Variants in HECTD4 observed in about 807,000 individuals in gnomAD.
HECTD4 encodes the protein probable E3 ubiquitin-protein ligase HECTD4.
In HECTD4, 114 loss-of-function variants were observed where a neutral mutation model predicts 471.5. That is an observed-to-expected ratio of 0.24 (90% confidence interval 0.21 to 0.28). The LOEUF is 0.28. HECTD4 is among the 10% of genes least tolerant of loss of function. The pLI, the probability that HECTD4 is intolerant of heterozygous loss-of-function variation, is 1.00. For missense variants in HECTD4, 3,866 were observed against 5,651.5 expected (o/e 0.68, Z 10.13); for synonymous variants, 2,012 against 2,256.0 (o/e 0.89, Z 3.07).
intron 22 of HECTD4, 54 bp downstream of exon 22, chr12:112,253,989 A>C: frequency 6.3e-7 from 1 of 1,596,032 alleles, no homozygotes; most frequent in Non-Finnish European, 8.6e-7. Flanking sequence ...TGGACCTGTG[A>C]GGACTGCAAG....
intron 60 of HECTD4, among the ~76,000 whole-genome samples, chr12:112,189,167 G>A (rs577509458): frequency 2.0e-4 from 31 of 152,104 alleles, no homozygotes; most frequent in African/African-American, 6.7e-4. Flanking sequence ...GCCCTCCTAG[G>A]GTGTATGAAA....
At chr12:112,273,882 G>A in intron 10 of HECTD4, 87 bp from the exon 11 acceptor site, 41 of 1,468,152 alleles carry the variant, frequency 2.8e-5, no homozygotes, top group Non-Finnish European at 3.8e-5. Flanking sequence ...AAAGTGGAAG[G>A]GCAAGGATGC....
At chr12:112,176,533 G>C (rs1198644733) in intron 65 of HECTD4, 63 bp downstream of exon 65, 6 of 1,142,766 alleles carry the variant, frequency 5.3e-6, no homozygotes, top group East Asian at 2.3e-5. Context: ...CTCCTCGGGG[G>C]GTGCCTAGTC....
chr12:112,249,934 C>T, intron 25 of HECTD4: 1 of 567,516 alleles, frequency 1.8e-6, no homozygotes, highest in Non-Finnish European at 3.1e-6. Flanking sequence ...CCAAGTGATG[C>T]CAATGCTGCT....
intron 1 of HECTD4, chr12:112,322,912 C>A (rs1216756070): frequency 6.3e-6 from 1 of 158,204 alleles, no homozygotes. Flanking sequence ...CACTTCACCC[C>A]TTGGAGAACG....
rs981688093 is a variant in HECTD4, at chr12:112,193,775, A to G, written c.8750-101T>C. The G allele has an allele frequency of 7.0e-6, 7 of 999,466 alleles. No individual in the cohort carries two copies. In the African/African-American group the frequency reaches 1.1e-4, roughly 16 times the overall value. 61.9% of individuals were successfully genotyped at this position (999,466 alleles called of 1,614,324 possible). ...TGAATAACCCATCCAGAAACCCCAG[A>G]TGGGAGGGTTATCCTGGATATGATG... On this transcript the variant is annotated intron_variant, in intron 56 of 75. Coordinates refer to ENST00000682272, the MANE Select transcript of HECTD4 (RefSeq NM_001388303.1). This position sits in a 1 kb window ranked among gnomAD's most constrained non-coding sequence, Gnocchi z 5.2.
rs1199591556 is a variant in HECTD4, at chr12:112,172,574, T to C, written c.11785+97A>G. The C allele has an allele frequency of 4.8e-6, 6 of 1,237,868 alleles. No homozygotes were observed. In the African/African-American group the frequency reaches 7.4e-5, roughly 15 times the overall value. 76.7% of individuals were successfully genotyped at this position (1,237,868 alleles called of 1,614,324 possible). A position where few individuals can be genotyped will look rare whatever the true frequency, so the allele number is the denominator to read the frequency against. Reference sequence around the variant, plus strand: ...CAGGTGTTCATAAGTGTTCGTTCGATGGACGTCTAAATGAATCTAGCCCTT... The same window carrying C: ...CAGGTGTTCATAAGTGTTCGTTCGACGGACGTCTAAATGAATCTAGCCCTT... On this transcript the variant is annotated intron_variant, in intron 67 of 75. Transcript: ENST00000682272.
chr12:112,260,599 C>G (rs1442273324), intron 18 of HECTD4, among the ~76,000 whole-genome samples: 1 of 150,272 alleles, frequency 6.7e-6, no homozygotes, highest in Non-Finnish European at 1.5e-5. Flanking sequence ...TTTTTTGAGA[C>G]AGAGTCTCGC....
intron 44 of HECTD4, 25 bp from the exon 45 acceptor site, chr12:112,219,514 G>T: frequency 1.3e-6 from 2 of 1,563,144 alleles, no homozygotes; most frequent in Non-Finnish European, 1.8e-6. Context: ...TGTTGAATCT[G>T]TGAAAACAAC....
chr12:112,324,092 TTCTTTCTTTCCTCTC>T lies in HECTD4; in HGVS notation c.178-4365_178-4351del, dbSNP rs1566112249. On this transcript the variant is annotated intron_variant, in intron 1 of 75. Coordinates refer to ENST00000682272, the MANE Select transcript of HECTD4 (RefSeq NM_001388303.1). ...TTTCTTTCTTTCTTTCTTTCTTTCT[TTCTTTCTTTCCTCTC>T]TCTCTTTCTTTCTTTTTTTTATTTT... Among the ~76,000 whole-genome samples the T allele has an allele frequency of 3.9e-3, 412 of 106,128 alleles. 79 individuals are homozygous for T. Among genetic ancestry groups the T allele is most frequent in the African/African-American group, 0.016 (352 of 21,452 alleles). 69.6% of individuals were successfully genotyped at this position (106,128 alleles called of 152,430 possible). A position where few individuals can be genotyped will look rare whatever the true frequency, so the allele number is the denominator to read the frequency against.
intron 66 of HECTD4, among the ~76,000 whole-genome samples, chr12:112,174,233 TGCTGG>T (rs1415578672): frequency 6.6e-6 from 1 of 151,834 alleles, no homozygotes; most frequent in Non-Finnish European, 1.5e-5. Context: ...CCTCCCAAAG[TGCTGG>T]GATTACAGGT....
intron 32 of HECTD4, among the ~76,000 whole-genome samples, chr12:112,242,263 T>A (rs930913900): frequency 1.3e-5 from 2 of 152,166 alleles, no homozygotes; most frequent in African/African-American, 2.4e-5. Context: ...CAGCAGAGGA[T>A]GTGTTAATTT....
intron 35 of HECTD4, 70 bp downstream of exon 35, chr12:112,236,875 C>T (rs1225199284): frequency 7.9e-6 from 11 of 1,384,764 alleles, no homozygotes; most frequent in African/African-American, 2.9e-5. Flanking sequence ...ACAACCACCA[C>T]CAAAAGAAAC....
rs1305373415 is a variant in HECTD4 at position 112,251,018 on chromosome 12, T to C, written c.3669A>G (p.Lys1223=). The C allele has an allele frequency of 6.2e-7, 1 of 1,613,920 alleles. No homozygotes were observed. Among genetic ancestry groups the C allele is most frequent in the South Asian group, 1.1e-5 (1 of 91,070 alleles). ...RILYNGPEIT[K]EEEACQELLR... ...ATAGCTCCTGACAGGCTTCTTCTTC[T>C]TTGGTAATTTCTGGTCCATTGTACA... Residue 1223 remains lysine, a synonymous_variant, in exon 24 of 76, where the codon AAA becomes AAG. Coordinates refer to ENST00000682272, the MANE Select transcript of HECTD4 (RefSeq NM_001388303.1).
In HECTD4 at chr12:112,313,035, A is replaced by T. The variant is rs761650463; in HGVS notation, c.898T>A (p.Ser300Thr). Reference sequence around the variant, plus strand: ...ACATTACCTTTATTTTCAGAACTGGAGCCAGTGTTGCTATCCGGCGCAGGC... The same window carrying T: ...ACATTACCTTTATTTTCAGAACTGGTGCCAGTGTTGCTATCCGGCGCAGGC... ...MLPAPDSNTG[S>T]SSENKDADLG... The change falls in exon 4 of 76, where the codon TCC becomes ACC. Residue 300 changes from serine to threonine, a missense_variant. Physicochemically the swap from Ser to Thr is moderately conservative, Grantham distance 58. This residue lies in a region of HECTD4 where 440 missense variants were observed against 636.0 expected (regional missense o/e 0.69). Transcript: ENST00000682272. 28 of 1,535,534 alleles carry T rather than the reference A, an allele frequency of 1.8e-5. No homozygotes were observed. Among genetic ancestry groups the T allele is most frequent in the Non-Finnish European group, 2.4e-5 (28 of 1,146,628 alleles).
chr12:112,244,976 C>A (rs557376684), intron 29 of HECTD4, among the ~76,000 whole-genome samples: 3 of 152,008 alleles, frequency 2.0e-5, no homozygotes, highest in African/African-American at 7.2e-5. Context: ...GGAAAAAAAA[C>A]ATTTTGTTTT....
At chr12:112,212,830 CTG>C (rs903494007) in intron 48 of HECTD4, among the ~76,000 whole-genome samples, 180 bp from the exon 49 acceptor site, 57 of 152,216 alleles carry the variant, frequency 3.7e-4, no homozygotes, top group African/African-American at 1.3e-3. Context: ...GAGTCTCACT[CTG>C]TTGCCCAGGC....
In HECTD4 at chr12:112,251,147, C is replaced by T. The variant is rs1159874038; in HGVS notation, c.3553-13G>A. The T allele has an allele frequency of 1.2e-6, 2 of 1,612,004 alleles. No homozygotes were observed. The highest frequency in any genetic ancestry group is 2.2e-5 in the East Asian group (1 of 44,890). ...CCTCCGAAGACTCCTACAATGCAGA[C>T]AGGGGTAAACCACACTGGTCAGTGT... On this transcript the variant is annotated splice_polypyrimidine_tract_variant and intron_variant, in intron 23 of 75. Transcript: ENST00000682272.
chr12:112,274,530 A>G (rs1028444789), intron 10 of HECTD4, among the ~76,000 whole-genome samples: 1 of 152,130 alleles, frequency 6.6e-6, no homozygotes, highest in East Asian at 1.9e-4. Flanking sequence ...ACATAGTGAG[A>G]CCTTGGCTCT....
Sources: allele counts gnomAD v4.1 joint callset (sites outside exome capture counted in the v4.1 genomes callset), GRCh38; gene constraint gnomAD v4.1.1; regional missense constraint gnomAD v4.1.1; non-coding constraint Gnocchi (gnomAD v3.1); transcripts MANE v1.5; gene names NCBI Gene and HGNC (gene_info 2026-07-23, HGNC 2026-07-21).